Variants in SPMIP7 observed in about 807,000 individuals in gnomAD.
The protein encoded by SPMIP7 is protein SPMIP7.
At chr7:50,112,792 T>C in the SPMIP7 span, among the ~76,000 whole-genome samples, 2 of 151,980 alleles carry the variant, frequency 1.3e-5, no homozygotes, top group East Asian at 1.9e-4. Flanking sequence ...TACATTCTTG[T>C]TGGATTGAGG....
At chr7:50,154,911 T>A in the SPMIP7 span, among the ~76,000 whole-genome samples, 78 of 152,340 alleles carry the variant, frequency 5.1e-4, no homozygotes, top group Admixed American at 1.3e-3. Context: ...TGAGGTGATA[T>A]CTCACTGTGG....
chr7:50,122,698 A>G, the SPMIP7 span, among the ~76,000 whole-genome samples: 1 of 151,340 alleles, frequency 6.6e-6, no homozygotes, highest in African/African-American at 2.4e-5. Flanking sequence ...AGAATCTACA[A>G]TGAACTCAAA....
At chr7:50,151,443 A>G in the SPMIP7 span, 1 of 1,543,316 alleles carries the variant, frequency 6.5e-7, no homozygotes. Context: ...TTAACTCTTC[A>G]CTTTAGTGCT....
chr7:50,159,212 A>T, the SPMIP7 span: 1 of 1,541,542 alleles, frequency 6.5e-7, no homozygotes, highest in South Asian at 1.2e-5. Flanking sequence ...CCGCCTGGGG[A>T]AGGCTTGTGC....
At chr7:50,151,283 A>C in the SPMIP7 span, among the ~76,000 whole-genome samples, 1 of 152,206 alleles carries the variant, frequency 6.6e-6, no homozygotes, top group Non-Finnish European at 1.5e-5. Flanking sequence ...CCAGGCCTGC[A>C]CTGTTTCCTT....
At chr7:50,158,798 G>A in the SPMIP7 span, among the ~76,000 whole-genome samples, 4 of 151,974 alleles carry the variant, frequency 2.6e-5, no homozygotes, top group African/African-American at 9.7e-5. Context: ...GGCACGGTGC[G>A]GTGGGGTTCC....
chr7:50,123,463 T>G, the SPMIP7 span, among the ~76,000 whole-genome samples: 1 of 148,172 alleles, frequency 6.7e-6, no homozygotes, highest in Non-Finnish European at 1.5e-5. Context: ...ATATACCTAA[T>G]GCTAGATGAC....
At chr7:50,138,315 A>G in the SPMIP7 span, among the ~76,000 whole-genome samples, 1 of 152,194 alleles carries the variant, frequency 6.6e-6, no homozygotes, top group Non-Finnish European at 1.5e-5. Flanking sequence ...CACAATGAGC[A>G]TTTGCAAAAA....
At chr7:50,153,284 C>T in the SPMIP7 span, among the ~76,000 whole-genome samples, 1 of 152,210 alleles carries the variant, frequency 6.6e-6, no homozygotes, top group African/African-American at 2.4e-5. Context: ...AGAGCTCCTG[C>T]TCTGATCAGC....
the SPMIP7 span, among the ~76,000 whole-genome samples, chr7:50,106,668 G>C: frequency 1.3e-5 from 2 of 152,172 alleles, no homozygotes; most frequent in Non-Finnish European, 2.9e-5. Context: ...CACTATGAGT[G>C]AGAATCAGCA....
At chr7:50,102,305 C>T in the SPMIP7 span, among the ~76,000 whole-genome samples, 1 of 152,152 alleles carries the variant, frequency 6.6e-6, no homozygotes, top group African/African-American at 2.4e-5. Flanking sequence ...GCCTGGGCAA[C>T]AGGGTGAGAC....
the SPMIP7 span, among the ~76,000 whole-genome samples, chr7:50,100,184 G>A: frequency 2.6e-5 from 4 of 152,282 alleles, no homozygotes; most frequent in South Asian, 6.2e-4. Context: ...AGCTCCCTTG[G>A]AAAAGTTGGG....
At chr7:50,129,961 C>T in the SPMIP7 span, among the ~76,000 whole-genome samples, 1 of 152,030 alleles carries the variant, frequency 6.6e-6, no homozygotes, top group Non-Finnish European at 1.5e-5. Context: ...AAGGAAGAGT[C>T]TTAAGGCACA....
chr7:50,115,887 T>A, the SPMIP7 span, among the ~76,000 whole-genome samples: 378 of 152,284 alleles, frequency 2.5e-3, 4 homozygotes, highest in African/African-American at 8.0e-3. Flanking sequence ...TAGTGAAATG[T>A]TGAAAGCATC....
the SPMIP7 span, among the ~76,000 whole-genome samples, chr7:50,107,735 TCCCTGAGGCATC>T: frequency 6.6e-6 from 1 of 152,192 alleles, no homozygotes; most frequent in Non-Finnish European, 1.5e-5. Context: ...TTCTGATATC[TCCCTGAGGCATC>T]CCCTTACATT....
the SPMIP7 span, among the ~76,000 whole-genome samples, chr7:50,140,976 A>G: frequency 6.6e-6 from 1 of 152,280 alleles, no homozygotes; most frequent in African/African-American, 2.4e-5. Context: ...CCGGTCTCCA[A>G]AGGAGTTGTG....
chr7:50,110,631 ATAT>A, the SPMIP7 span, among the ~76,000 whole-genome samples: 37 of 138,368 alleles, frequency 2.7e-4, no homozygotes, highest in Non-Finnish European at 4.5e-4. Flanking sequence ...TATATACTAC[ATAT>A]TATATAAATA....
the SPMIP7 span, among the ~76,000 whole-genome samples, chr7:50,139,519 C>A: frequency 7.1e-4 from 108 of 152,098 alleles, no homozygotes; most frequent in Non-Finnish European, 7.5e-4. Context: ...ATTTACATAT[C>A]ATGTGGTAAA....
the SPMIP7 span, among the ~76,000 whole-genome samples, chr7:50,100,001 A>T: frequency 3.9e-5 from 6 of 152,008 alleles, no homozygotes; most frequent in African/African-American, 1.5e-4. Context: ...AACTTTTTCT[A>T]GGGGGCTGAG....
Sources: gnomAD v4.1 joint callset for allele counts (sites outside exome capture counted in the v4.1 genomes callset) on GRCh38, gnomAD v4.1.1 for gene constraint, MANE v1.5 for transcripts, NCBI Gene and HGNC (gene_info 2026-07-23, HGNC 2026-07-21) for gene names.